FAT4: variants seen among roughly 807,000 people sequenced by gnomAD.
The protein encoded by FAT4 is FAT atypical cadherin 4.
Under a neutral mutation model 303.9 loss-of-function variants are expected in FAT4, and 84 were observed. The observed-to-expected ratio is 0.28, with a 90% confidence interval of 0.23 to 0.33. The LOEUF (loss-of-function observed/expected upper bound fraction) is 0.33, where lower values mean the gene tolerates loss of function less well. Ranked by LOEUF, FAT4 falls within the 10% of genes least tolerant of loss-of-function variation. The pLI is 1.00. For synonymous variants in FAT4, 2,307 were observed against 2,298.8 expected (o/e 1.00, Z -0.10); for missense variants, 6,005 against 6,146.8 (o/e 0.98, Z 0.77).
intron 7 of FAT4, among the ~76,000 whole-genome samples, chr4:125,428,452 C>G (rs1369145346): frequency 6.6e-6 from 1 of 152,154 alleles, no homozygotes; most frequent in African/African-American, 2.4e-5. Flanking sequence ...CCAGGGTTAA[C>G]TGTGGTATCA....
At chr4:125,446,233 A>G (rs1286931910) in intron 8 of FAT4, 60 bp from the exon 9 acceptor site, 3 of 1,418,850 alleles carry the variant, frequency 2.1e-6, no homozygotes, top group Non-Finnish European at 2.9e-6. Flanking sequence ...TAATTATAGT[A>G]AATAGAAGTT....
In FAT4 at chr4:125,316,804, C is replaced by T. The variant is rs779185794; in HGVS notation, c.393C>T (p.Asn131=). 2 of 1,614,018 alleles carry T rather than the reference C, an allele frequency of 1.2e-6. No homozygotes were observed. Among genetic ancestry groups the T allele is most frequent in the Admixed American group, 3.3e-5 (2 of 60,010 alleles). Residue 131 remains asparagine, a synonymous_variant, in exon 2 of 18, where the codon AAC becomes AAT. Coordinates refer to ENST00000394329, the MANE Select transcript of FAT4 (RefSeq NM_001291303.3). This position sits in a 1 kb window ranked among gnomAD's most constrained non-coding sequence, Gnocchi z 5.7. ...TGCTGGTGCGGGACCTCAATGACAA[C>T]GCCCCCGTTTTCCCGGACCCCTCTA... ...VRVLVRDLND[N]APVFPDPSIV... is the part of the protein sequence containing the mutation.
At chr4:125,417,676 G>A (rs1471942073) in intron 7 of FAT4, among the ~76,000 whole-genome samples, 2 of 152,108 alleles carry the variant, frequency 1.3e-5, no homozygotes, top group Admixed American at 6.6e-5. Context: ...TGATGCTGAA[G>A]ACCATGATGG....
At chr4:125,419,833 A>C in intron 7 of FAT4, among the ~76,000 whole-genome samples, 1 of 152,166 alleles carries the variant, frequency 6.6e-6, no homozygotes, top group East Asian at 1.9e-4. Context: ...CACCCTGGAA[A>C]TCAGTAAGTG....
chr4:125,441,911 G>A (rs1725673917), intron 8 of FAT4, among the ~76,000 whole-genome samples: 5 of 152,118 alleles, frequency 3.3e-5, no homozygotes, highest in Admixed American at 3.3e-4. Context: ...CCAGGGCTTG[G>A]CAAACTACTA....
chr4:125,480,268 C>T (rs1305197057), intron 15 of FAT4, among the ~76,000 whole-genome samples: 4 of 152,034 alleles, frequency 2.6e-5, no homozygotes, highest in Non-Finnish European at 5.9e-5. Flanking sequence ...TCACTCAACA[C>T]TGAGATCAAA....
intron 10 of FAT4, among the ~76,000 whole-genome samples, chr4:125,453,931 CATTATTATCT>C (rs1169100983): frequency 3.3e-5 from 5 of 152,154 alleles, no homozygotes; most frequent in Non-Finnish European, 7.3e-5. Flanking sequence ...ATGTCTATAT[CATTATTATCT>C]ATCAACCTAT....
intron 9 of FAT4, among the ~76,000 whole-genome samples, chr4:125,447,525 A>G (rs1256883221): frequency 2.0e-5 from 3 of 152,152 alleles, no homozygotes; most frequent in South Asian, 4.1e-4. Flanking sequence ...AATTACATCC[A>G]ATGTGTGGTG....
rs1031916608 is a variant in FAT4 at position 125,381,426 on chromosome 4, C to T, written c.5176-17358C>T. On this transcript the variant is annotated intron_variant, in intron 2 of 17. Coordinates refer to ENST00000394329, the MANE Select transcript of FAT4 (RefSeq NM_001291303.3). ...GAATATCACAATAAAGCAAGTCATACAGTTTTTTTGGTGTTTCATTGCATA... is the reference window on the plus strand; with the variant it reads ...GAATATCACAATAAAGCAAGTCATATAGTTTTTTTGGTGTTTCATTGCATA... Among the ~76,000 whole-genome samples the T allele has an allele frequency of 2.0e-5, 3 of 150,748 alleles. No homozygotes were observed. The Admixed American group carries it at 2.0e-4, about 10-fold the overall frequency.
At chr4:125,481,387 A>G (rs958569075) in intron 15 of FAT4, 134 bp from the exon 16 acceptor site, 5 of 672,746 alleles carry the variant, frequency 7.4e-6, no homozygotes, top group Middle Eastern at 4.1e-4. Context: ...TTATTTTTTA[A>G]GAGTAGAGTT....
chr4:125,369,741 T>G (rs1468471961), intron 2 of FAT4, among the ~76,000 whole-genome samples: 2 of 152,320 alleles, frequency 1.3e-5, no homozygotes, highest in African/African-American at 4.8e-5. Flanking sequence ...TTTCCCAAAC[T>G]GAAACTCTCT....
rs142495599 is a variant in FAT4, at chr4:125,396,503, C to T, written c.5176-2281C>T. Among the ~76,000 whole-genome samples the T allele has an allele frequency of 3.9e-5, 6 of 152,138 alleles. No homozygotes were observed. In the South Asian group the frequency reaches 8.3e-4, roughly 21 times the overall value. On this transcript the variant is annotated intron_variant, in intron 2 of 17. Coordinates refer to ENST00000394329, the MANE Select transcript of FAT4 (RefSeq NM_001291303.3). ...TTGGTGTCAATCTAGACCTTCCTTACGCTCAATTTGATGTTCTTCCCTGCA... is the reference window on the plus strand; with the variant it reads ...TTGGTGTCAATCTAGACCTTCCTTATGCTCAATTTGATGTTCTTCCCTGCA...
At chr4:125,357,916 AG>A (rs1732499751) in intron 2 of FAT4, among the ~76,000 whole-genome samples, 1 of 152,170 alleles carries the variant, frequency 6.6e-6, no homozygotes, top group Non-Finnish European at 1.5e-5. Context: ...TACATATGAA[AG>A]GAAAAGCTAA....
chr4:125,490,263 G>A lies in FAT4; in HGVS notation c.13447G>A (p.Ala4483Thr). Reference sequence around the variant, plus strand: ...CTGTCCTCAGGGGAAGGTGTGCAAAGCTGGAAGTCCTGCGGGGCATGTCTG... The same window carrying A: ...CTGTCCTCAGGGGAAGGTGTGCAAAACTGGAAGTCCTGCGGGGCATGTCTG... ...VLCPQGKVCK[A>T]GSPAGHVCVL... Residue 4483 changes from alanine to threonine, a missense_variant, in exon 18 of 18, where the codon GCT becomes ACT. Coordinates refer to ENST00000394329, the MANE Select transcript of FAT4 (RefSeq NM_001291303.3). 6.2e-7 allele frequency: 1 copy of A among 1,614,124 alleles called. No individual in the cohort carries two copies. Among genetic ancestry groups the A allele is most frequent in the South Asian group, 1.1e-5 (1 of 91,080 alleles).
intron 8 of FAT4, among the ~76,000 whole-genome samples, chr4:125,444,988 A>G (rs1725779281): frequency 6.6e-6 from 1 of 152,132 alleles, no homozygotes; most frequent in Non-Finnish European, 1.5e-5. Context: ...TAAAGAGAAT[A>G]TATATTATCT....
At chr4:125,401,238 T>G (rs1423243022) in intron 3 of FAT4, among the ~76,000 whole-genome samples, 3 of 152,090 alleles carry the variant, frequency 2.0e-5, no homozygotes, top group African/African-American at 7.2e-5. Flanking sequence ...GTCTTTGGTT[T>G]CATATTAAGT....
chr4:125,376,439 G>A (rs925351943), intron 2 of FAT4, among the ~76,000 whole-genome samples: 17 of 152,082 alleles, frequency 1.1e-4, no homozygotes, highest in African/African-American at 3.9e-4. Context: ...GTCGTGACCG[G>A]GGCCTGTCGT....
intron 8 of FAT4, among the ~76,000 whole-genome samples, chr4:125,440,403 T>A (rs375532147): frequency 6.6e-6 from 1 of 152,082 alleles, no homozygotes; most frequent in South Asian, 2.1e-4. Context: ...CTTTTTGCAA[T>A]GTTCACACTA....
chr4:125,465,821 A>T (rs1198707680), intron 11 of FAT4, among the ~76,000 whole-genome samples: 1 of 152,206 alleles, frequency 6.6e-6, no homozygotes, highest in East Asian at 1.9e-4. Flanking sequence ...TTGTCAGTTG[A>T]CAACATAAGC....
Sources: gnomAD v4.1 joint callset for allele counts (sites outside exome capture counted in the v4.1 genomes callset) on GRCh38, gnomAD v4.1.1 for gene constraint, Gnocchi (gnomAD v3.1) non-coding constraint, MANE v1.5 for transcripts, NCBI Gene and HGNC (gene_info 2026-07-23, HGNC 2026-07-21) for gene names.